PID1: variants seen among roughly 807,000 people sequenced by gnomAD.
The protein encoded by PID1 is PTB-containing, cubilin and LRP1-interacting protein.
In PID1, 10 loss-of-function variants were observed where a neutral mutation model predicts 19.1. That is an observed-to-expected ratio of 0.52 (90% CI 0.32 to 0.89). The LOEUF (loss-of-function observed/expected upper bound fraction) is 0.89, where lower values mean the gene tolerates loss of function less well. Ranked by LOEUF, PID1 falls within the 40% of genes least tolerant of loss-of-function variation. The pLI is 0.03. For synonymous variants in PID1, 130 were observed against 116.0 expected (o/e 1.12, Z -0.78); for missense variants, 248 against 285.3 (o/e 0.87, Z 0.94).
intron 2 of PID1, among the ~76,000 whole-genome samples, chr2:229,087,130 G>A (rs1694784038): frequency 6.6e-6 from 1 of 152,132 alleles, no homozygotes; most frequent in South Asian, 2.1e-4. Context: ...CTGGGTAACT[G>A]CTTATCAAAT....
intron 1 of PID1, among the ~76,000 whole-genome samples, chr2:229,191,643 C>A (rs1174995801): frequency 3.3e-5 from 5 of 152,170 alleles, no homozygotes; most frequent in Non-Finnish European, 7.4e-5. Context: ...TTTAGACATT[C>A]TTAATACTTC....
intron 1 of PID1, among the ~76,000 whole-genome samples, chr2:229,195,340 T>C (rs770577102): frequency 4.6e-5 from 7 of 151,412 alleles, no homozygotes; most frequent in African/African-American, 9.7e-5. Flanking sequence ...GAAGTATATA[T>C]ACACACACAC....
intron 2 of PID1, among the ~76,000 whole-genome samples, chr2:229,150,927 T>C (rs543581065): frequency 1.5e-4 from 23 of 152,016 alleles, no homozygotes; most frequent in Non-Finnish European, 2.9e-4. Flanking sequence ...ATGATATTTT[T>C]AGTACTTTCC....
rs1690553750 is a variant in PID1 at position 229,264,950 on chromosome 2, TAAC to T, written c.30+6061_30+6063del. Among the ~76,000 whole-genome samples the T allele has an allele frequency of 2.6e-5, 4 of 152,266 alleles. No individual in the cohort carries two copies. The South Asian group carries it at 8.3e-4, about 32-fold the overall frequency. On this transcript the variant is annotated intron_variant, in intron 1 of 2. Coordinates refer to ENST00000392055, the MANE Select transcript of PID1 (RefSeq NM_001100818.2). ...ACTCCATTCCTACAGTGACCAACCA[TAAC>T]AACATTAAGAAGTGCTTCTGTTTAT...
At chr2:229,213,731 T>C (rs1448473256) in intron 1 of PID1, among the ~76,000 whole-genome samples, 1 of 152,218 alleles carries the variant, frequency 6.6e-6, no homozygotes, top group Admixed American at 6.5e-5. Context: ...ACAATAGATA[T>C]GTGACATTGA....
At chr2:229,087,817 A>C (rs983396861) in intron 2 of PID1, among the ~76,000 whole-genome samples, 14 of 152,198 alleles carry the variant, frequency 9.2e-5, no homozygotes, top group Non-Finnish European at 2.1e-4. Flanking sequence ...TGACAACACA[A>C]GTAACCTGTT....
chr2:229,122,866 C>T (rs1295614756), intron 2 of PID1, among the ~76,000 whole-genome samples: 3 of 152,132 alleles, frequency 2.0e-5, no homozygotes, highest in African/African-American at 7.2e-5. Context: ...AAAGAGCTGT[C>T]ATTCATTCCT....
chr2:229,172,041 G>A (rs539938765), intron 1 of PID1, among the ~76,000 whole-genome samples: 22 of 152,142 alleles, frequency 1.4e-4, no homozygotes, highest in Non-Finnish European at 2.9e-4. Flanking sequence ...CAGTATCATA[G>A]GGAGCTGTGC....
At chr2:229,200,291 A>G (rs1303116540) in intron 1 of PID1, among the ~76,000 whole-genome samples, 1 of 152,028 alleles carries the variant, frequency 6.6e-6, no homozygotes, top group Non-Finnish European at 1.5e-5. Flanking sequence ...TCTATTCTTC[A>G]GAGGAGCCAA....
At chr2:229,196,590 TG>T (rs1691383553) in intron 1 of PID1, among the ~76,000 whole-genome samples, 1 of 152,094 alleles carries the variant, frequency 6.6e-6, no homozygotes, top group African/African-American at 2.4e-5. Flanking sequence ...CAAATTATCT[TG>T]TTAAAGCTTC....
chr2:229,059,660 A>G (rs1463067216), intron 2 of PID1, among the ~76,000 whole-genome samples: 1 of 152,242 alleles, frequency 6.6e-6, no homozygotes, highest in Non-Finnish European at 1.5e-5. Context: ...GGTCTCAGCT[A>G]GCAAGTTTAC....
intron 2 of PID1, among the ~76,000 whole-genome samples, chr2:229,042,998 G>T (rs1693803236): frequency 7.2e-6 from 1 of 138,592 alleles, no homozygotes; most frequent in Non-Finnish European, 1.6e-5. Flanking sequence ...AGAGAGAGGA[G>T]AAAGGGAGAA....
At chr2:229,062,230 T>C (rs185012254) in intron 2 of PID1, among the ~76,000 whole-genome samples, 6 of 152,162 alleles carry the variant, frequency 3.9e-5, no homozygotes, top group African/African-American at 1.4e-4. Flanking sequence ...TGGGCTTTTG[T>C]ATACGGACTT....
At chr2:229,139,123 A>G (rs1307468731) in intron 2 of PID1, among the ~76,000 whole-genome samples, 14 of 106,456 alleles carry the variant, frequency 1.3e-4, no homozygotes, top group African/African-American at 5.4e-4. Context: ...AAGAGAAAGA[A>G]AGAAAGAAAG....
intron 1 of PID1, among the ~76,000 whole-genome samples, chr2:229,201,392 C>T (rs1691496029): frequency 6.6e-6 from 1 of 152,024 alleles, no homozygotes; most frequent in Non-Finnish European, 1.5e-5. Context: ...TTGTGACTGT[C>T]TTCTTTATTT....
At chr2:229,073,399 T>C (rs558219742) in intron 2 of PID1, among the ~76,000 whole-genome samples, 1 of 152,370 alleles carries the variant, frequency 6.6e-6, no homozygotes, top group African/African-American at 2.4e-5. Flanking sequence ...AGGCAATTTA[T>C]TGTGAAAACT....
intron 2 of PID1, among the ~76,000 whole-genome samples, chr2:229,113,167 A>G (rs1444524515): frequency 1.3e-5 from 2 of 152,118 alleles, no homozygotes; most frequent in African/African-American, 4.8e-5. Flanking sequence ...AGAACAGCAT[A>G]GTTACCTATT....
At chr2:229,217,881 A>C (rs538410714) in intron 1 of PID1, among the ~76,000 whole-genome samples, 2,317 of 152,188 alleles carry the variant, frequency 0.015, 53 homozygotes, top group Non-Finnish European at 0.016. Context: ...CAACTACCCC[A>C]AACCAGTCAA....
At chr2:229,138,113 C>T (rs78906439) in intron 2 of PID1, among the ~76,000 whole-genome samples, 6,926 of 152,192 alleles carry the variant, frequency 0.046, 562 homozygotes, top group African/African-American at 0.16. Context: ...GATCCCTAGG[C>T]GATAAATAAC....
Sources: allele counts gnomAD v4.1 joint callset (sites outside exome capture counted in the v4.1 genomes callset), GRCh38; gene constraint gnomAD v4.1.1; transcripts MANE v1.5; gene names NCBI Gene and HGNC (gene_info 2026-07-23, HGNC 2026-07-21).